The following TMPRSS11E variants were observed in gnomAD, a reference collection of about 807,000 sequenced individuals.
The protein encoded by TMPRSS11E is transmembrane protease serine 11E.
Under a neutral mutation model 48.1 loss-of-function variants are expected in TMPRSS11E, and 38 were observed. That is an observed-to-expected ratio of 0.79 (90% CI 0.61 to 1.04). The LOEUF is 1.04. Ranked by LOEUF, TMPRSS11E falls within the 50% of genes least tolerant of loss-of-function variation. The pLI, the probability that TMPRSS11E is intolerant of heterozygous loss-of-function variation, is 0.00. For missense variants in TMPRSS11E, 530 were observed against 510.8 expected (o/e 1.04, Z -0.36); for synonymous variants, 158 against 171.9 (o/e 0.92, Z 0.63).
At chr4:68,484,305 GTTTC>G (rs1729492184) in intron 9 of TMPRSS11E, among the ~76,000 whole-genome samples, 1 of 151,954 alleles carries the variant, frequency 6.6e-6, no homozygotes, top group Admixed American at 6.6e-5. Context: ...GTCAACTATG[GTTTC>G]TTTCTTTTTT....
chr4:68,463,579 A>G (rs541548182), intron 2 of TMPRSS11E, among the ~76,000 whole-genome samples: 50 of 152,356 alleles, frequency 3.3e-4, no homozygotes, highest in Non-Finnish European at 7.2e-4. Context: ...TTGGGATTAC[A>G]GGCATAAGCC....
At chr4:68,488,134 G>A (rs34452388) in intron 9 of TMPRSS11E, among the ~76,000 whole-genome samples, 48,798 of 151,772 alleles carry the variant, frequency 0.32, 9,068 homozygotes, top group Middle Eastern at 0.5. Context: ...ACGACAAGGC[G>A]TCTGGAGGAT....
chr4:68,478,828 A>G (rs1368744642), intron 8 of TMPRSS11E, 21 bp from the exon 9 acceptor site: 28 of 1,610,992 alleles, frequency 1.7e-5, no homozygotes, highest in Non-Finnish European at 2.2e-5. Context: ...CTACAAATAC[A>G]AAGACTTTTT....
At chr4:68,486,090 GTTGT>G (rs1303357505) in intron 9 of TMPRSS11E, among the ~76,000 whole-genome samples, 3 of 151,990 alleles carry the variant, frequency 2.0e-5, no homozygotes, top group Non-Finnish European at 4.4e-5. Context: ...CAAAGAACAA[GTTGT>G]TTGGTTTCAT....
At chr4:68,451,362 C>G (rs1554890) in intron 1 of TMPRSS11E, among the ~76,000 whole-genome samples, 1 of 151,770 alleles carries the variant, frequency 6.6e-6, no homozygotes, top group African/African-American at 2.4e-5. Context: ...TTTTAAGAGG[C>G]TGAGAAAGAA....
intron 1 of TMPRSS11E, among the ~76,000 whole-genome samples, chr4:68,460,242 C>T (rs912145569): frequency 6.6e-5 from 10 of 152,106 alleles, no homozygotes; most frequent in African/African-American, 2.4e-4. Context: ...TGTGTCCAGC[C>T]AGAGCCAGGA....
At chr4:68,496,100 A>G (rs919575875) in intron 9 of TMPRSS11E, among the ~76,000 whole-genome samples, 7 of 152,136 alleles carry the variant, frequency 4.6e-5, no homozygotes, top group African/African-American at 1.2e-4. Flanking sequence ...GTCTTACATC[A>G]TCTTCATAGC....
chr4:68,492,709 T>A (rs748436219), intron 9 of TMPRSS11E, among the ~76,000 whole-genome samples: 4 of 152,186 alleles, frequency 2.6e-5, no homozygotes, highest in Non-Finnish European at 5.9e-5. Flanking sequence ...TCTGTTTATG[T>A]CTTGAGCAGT....
In TMPRSS11E at chr4:68,461,818, T is replaced by G; in HGVS notation, c.12-3T>G. On this transcript the variant is annotated splice_polypyrimidine_tract_variant and splice_region_variant and intron_variant, in intron 1 of 9. Coordinates refer to ENST00000305363, the MANE Select transcript of TMPRSS11E (RefSeq NM_014058.4). Reference sequence around the variant, plus strand: ...TAATCTATCTATTTATTTTCTTCCTTAGGCCAGATGTGGTGAGGGCTAGGA... The same window carrying G: ...TAATCTATCTATTTATTTTCTTCCTGAGGCCAGATGTGGTGAGGGCTAGGA... 6.2e-7 allele frequency: 1 copy of G among 1,614,158 alleles called. No individual in the cohort carries two copies. The highest frequency in any genetic ancestry group is 8.5e-7 in the Non-Finnish European group (1 of 1,179,992).
chr4:68,459,692 C>T (rs1043556712), intron 1 of TMPRSS11E, among the ~76,000 whole-genome samples: 2 of 152,060 alleles, frequency 1.3e-5, no homozygotes, highest in Non-Finnish European at 2.9e-5. Flanking sequence ...ACAAATAGAA[C>T]GTGTCTAATA....
intron 4 of TMPRSS11E, among the ~76,000 whole-genome samples, chr4:68,469,349 C>T (rs1196614798): frequency 6.6e-6 from 1 of 151,860 alleles, no homozygotes; most frequent in Non-Finnish European, 1.5e-5. Context: ...TCTTCTATTC[C>T]ATCCCTCCAT....
chr4:68,475,397 A>G (rs1266222612), intron 6 of TMPRSS11E, among the ~76,000 whole-genome samples: 1 of 152,134 alleles, frequency 6.6e-6, no homozygotes, highest in East Asian at 1.9e-4. Context: ...TGCACATTAC[A>G]TTTCTCTTAA....
At position 68,461,875 on chromosome 4, in the gene TMPRSS11E, C is replaced by T. The variant is rs2109673664; in HGVS notation, c.66C>T (p.Gly22=). The T allele has an allele frequency of 6.2e-7, 1 of 1,614,196 alleles. No homozygotes were observed. The highest frequency in any genetic ancestry group is 1.1e-5 in the South Asian group (1 of 91,080). Residue 22 remains glycine, a synonymous_variant, in exon 2 of 10, where the codon GGC becomes GGT. Coordinates refer to ENST00000305363, the MANE Select transcript of TMPRSS11E (RefSeq NM_014058.4). ...KRVCWEPWVI[G]LVIFISLIVL... The stretch of plus-strand genomic sequence containing the variant: ...TTTGTTGGGAACCCTGGGTTATCGG[C>T]CTCGTCATCTTCATATCCCTGATTG...
chr4:68,453,785 C>A (rs1310253756), intron 1 of TMPRSS11E, among the ~76,000 whole-genome samples: 3 of 151,838 alleles, frequency 2.0e-5, no homozygotes, highest in African/African-American at 7.3e-5. Context: ...TAATGTGAAA[C>A]AATTCTGGAG....
intron 1 of TMPRSS11E, among the ~76,000 whole-genome samples, chr4:68,458,971 T>G (rs188886223): frequency 3.7e-4 from 57 of 152,210 alleles, no homozygotes; most frequent in African/African-American, 1.1e-3. Flanking sequence ...CCTAGCTCAT[T>G]AGGTTAGGAG....
rs183538538 is a variant in TMPRSS11E, at chr4:68,496,524, C to A, written c.1111-119C>A. 5.7e-5 allele frequency: 57 copies of A among 1,006,532 alleles called. No individual in the cohort carries two copies. In the African/African-American group the frequency reaches 8.7e-4, roughly 15 times the overall value. The allele number at this position is 1,006,532 out of a possible 1,614,324, so 62.4% of individuals were successfully genotyped here. A position where few individuals can be genotyped will look rare whatever the true frequency, so the allele number is the denominator to read the frequency against. On this transcript the variant is annotated intron_variant, in intron 9 of 9. Coordinates refer to ENST00000305363, the MANE Select transcript of TMPRSS11E (RefSeq NM_014058.4). ...AGATGGAGAAAATCACTTATGCATGCGAACACACGGAATACTTTTGAAAAT... is the reference window on the plus strand; with the variant it reads ...AGATGGAGAAAATCACTTATGCATGAGAACACACGGAATACTTTTGAAAAT...
At chr4:68,469,772 T>G (rs1729013988) in intron 4 of TMPRSS11E, among the ~76,000 whole-genome samples, 1 of 151,950 alleles carries the variant, frequency 6.6e-6, no homozygotes, top group African/African-American at 2.4e-5. Flanking sequence ...ATTTTTCTGA[T>G]TTCTATAACT....
At chr4:68,466,181 C>G (rs1441811280) in intron 2 of TMPRSS11E, among the ~76,000 whole-genome samples, 1 of 152,146 alleles carries the variant, frequency 6.6e-6, no homozygotes, top group Non-Finnish European at 1.5e-5. Context: ...TTTTCTCAAA[C>G]TAGAGTTCTT....
At chr4:68,482,095 T>C (rs1309578042) in intron 9 of TMPRSS11E, among the ~76,000 whole-genome samples, 1 of 152,134 alleles carries the variant, frequency 6.6e-6, no homozygotes, top group Non-Finnish European at 1.5e-5. Context: ...AAGCTTACAA[T>C]CATGGCAGAA....
Sources: allele counts gnomAD v4.1 joint callset (sites outside exome capture counted in the v4.1 genomes callset), GRCh38; gene constraint gnomAD v4.1.1; transcripts MANE v1.5; gene names NCBI Gene and HGNC (gene_info 2026-07-23, HGNC 2026-07-21).